The following SV2C variants were observed in gnomAD, a reference collection of about 807,000 sequenced individuals.
SV2C encodes the protein synaptic vesicle glycoprotein 2C.
A neutral mutation model predicts 79.7 loss-of-function variants in SV2C; 49 were observed. The observed-to-expected ratio is 0.61, with a 90% CI of 0.49 to 0.78. The LOEUF is 0.78. SV2C is among the 30% of genes least tolerant of loss of function. The pLI, the probability that SV2C is intolerant of heterozygous loss-of-function variation, is 0.00. For missense variants in SV2C, 833 were observed against 912.9 expected (o/e 0.91, Z 1.13); for synonymous variants, 334 against 333.2 (o/e 1.00, Z -0.03).
At chr5:76,240,215 AG>A (rs1745741400) in intron 4 of SV2C, among the ~76,000 whole-genome samples, 1 of 152,220 alleles carries the variant, frequency 6.6e-6, no homozygotes, top group South Asian at 2.1e-4. Context: ...GTGCCAGCCA[AG>A]GGAGACTGCA....
intron 2 of SV2C, among the ~76,000 whole-genome samples, chr5:76,137,062 C>A (rs1289841186): frequency 6.6e-6 from 1 of 152,174 alleles, no homozygotes; most frequent in African/African-American, 2.4e-5. Context: ...CTTGTGTGAC[C>A]ATTTGCAAGT....
chr5:76,329,557 CAGAAGGGAGAGTCCA>C lies in SV2C; in HGVS notation c.*4014_*4028del, dbSNP rs572320386. ...GGAGGTGGGAAAAGAAATGTAGTGA[CAGAAGGGAGAGTCCA>C]AGATACCACTGATAAGGTTCCAGCA... On this transcript the variant is annotated 3_prime_UTR_variant, in exon 13 of 13. Transcript: ENST00000502798. 1 of 152,256 alleles carries C rather than the reference CAGAAGGGAGAGTCCA, an allele frequency of 6.6e-6. No homozygotes were observed. The highest frequency in any genetic ancestry group is 1.9e-4 in the East Asian group (1 of 5,180). 9.4% of individuals were successfully genotyped at this position (152,256 alleles called of 1,614,324 possible).
chr5:75,939,912 G>GT, the SV2C span, among the ~76,000 whole-genome samples: 2 of 152,116 alleles, frequency 1.3e-5, no homozygotes, highest in Non-Finnish European at 2.9e-5. Context: ...GTCTGGCTCA[G>GT]TTGCATCCTT....
chr5:75,937,683 T>A, the SV2C span, among the ~76,000 whole-genome samples: 2 of 152,072 alleles, frequency 1.3e-5, no homozygotes, highest in Non-Finnish European at 2.9e-5. Flanking sequence ...CACTCCAGCC[T>A]GTGCAACACA....
At chr5:75,911,291 C>A in the SV2C span, 4 of 1,429,750 alleles carry the variant, frequency 2.8e-6, no homozygotes, top group Non-Finnish European at 2.0e-6. Context: ...CCAGGCAGAA[C>A]CCTGAGCCCT....
Position 76,285,193 on chromosome 5 carries a change from G to C in SV2C, c.945G>C (p.Gln315His). ...GWSFSMGSAY[Q>H]FHSWRVFVIV... Reference sequence around the variant, plus strand: ...GCTTCAGCATGGGATCGGCCTACCAGTTTCACAGTTGGCGTGTGTTTGTCA... The same window carrying C: ...GCTTCAGCATGGGATCGGCCTACCACTTTCACAGTTGGCGTGTGTTTGTCA... Residue 315 changes from glutamine to histidine, a missense_variant, in exon 5 of 13, where the codon CAG (glutamine) becomes CAC (histidine). Gln to His is a conservative substitution (Grantham distance 24). Transcript: ENST00000502798. 2 of 1,614,220 alleles carry C rather than the reference G, an allele frequency of 1.2e-6. No individual in the cohort carries two copies. Among genetic ancestry groups the C allele is most frequent in the Non-Finnish European group, 1.7e-6 (2 of 1,180,032 alleles).
the SV2C span, among the ~76,000 whole-genome samples, chr5:75,936,832 T>A: frequency 6.6e-6 from 1 of 152,242 alleles, no homozygotes; most frequent in Admixed American, 6.5e-5. Flanking sequence ...TGAGAGGAAC[T>A]GATTGCCAGT....
chr5:76,246,863 C>T (rs1210297093), intron 4 of SV2C, among the ~76,000 whole-genome samples: 2 of 152,120 alleles, frequency 1.3e-5, no homozygotes, highest in Non-Finnish European at 2.9e-5. Context: ...ACTAACGCCC[C>T]TTCTTGTGTC....
At chr5:75,931,007 G>A in the SV2C span, among the ~76,000 whole-genome samples, 2 of 152,138 alleles carry the variant, frequency 1.3e-5, no homozygotes, top group African/African-American at 4.8e-5. Flanking sequence ...GGTGGCACAT[G>A]CCTGTAATCC....
In SV2C at chr5:76,297,956, G is replaced by A. The variant is rs61071232; in HGVS notation, c.1503-838G>A. On this transcript the variant is annotated intron_variant, in intron 9 of 12. Coordinates refer to ENST00000502798, the MANE Select transcript of SV2C (RefSeq NM_014979.4). ...GTCTCTTAATAAAGTACCAGGACAC[G>A]TTAATGAATATTTATCTGTGTCTGC... 5.7e-3 allele frequency among the ~76,000 whole-genome samples: 870 copies of A among 152,176 alleles called. 10 individuals are homozygous for A. Among genetic ancestry groups the A allele is most frequent in the African/African-American group, 0.02 (816 of 41,550 alleles).
At chr5:76,124,104 A>C (rs1194655549) in intron 1 of SV2C, among the ~76,000 whole-genome samples, 3 of 152,178 alleles carry the variant, frequency 2.0e-5, no homozygotes, top group African/African-American at 7.2e-5. Flanking sequence ...TATTGTGATA[A>C]AATACACATC....
chr5:76,152,450 G>C (rs541180120), intron 2 of SV2C, among the ~76,000 whole-genome samples: 25 of 152,284 alleles, frequency 1.6e-4, no homozygotes, highest in Admixed American at 1.2e-3. Flanking sequence ...TGTATATATA[G>C]GAGATACGTT....
At chr5:76,120,455 A>G (rs9293669) in intron 1 of SV2C, among the ~76,000 whole-genome samples, 38,932 of 139,810 alleles carry the variant, frequency 0.28, 6,819 homozygotes, top group African/African-American at 0.49. Context: ...CCATGCTGGT[A>G]TGCTGCACCC....
At chr5:76,161,326 A>G (rs1742891686) in intron 2 of SV2C, among the ~76,000 whole-genome samples, 1 of 152,160 alleles carries the variant, frequency 6.6e-6, no homozygotes, top group South Asian at 2.1e-4. Flanking sequence ...AAGTAAAGCT[A>G]TTGAGACAGA....
At position 76,271,714 on chromosome 5, in the gene SV2C, G is replaced by T. The variant is rs183136722; in HGVS notation, c.914-13448G>T. On this transcript the variant is annotated intron_variant, in intron 4 of 12. Coordinates refer to ENST00000502798, the MANE Select transcript of SV2C (RefSeq NM_014979.4). The stretch of plus-strand genomic sequence containing the variant: ...GAACTCCTGACCTCCTGATCTGCCC[G>T]CCTCAGCCTCCCAAAGTGCTGGGAT... Among the ~76,000 whole-genome samples, 1,318 of 142,902 alleles carry T rather than the reference G, an allele frequency of 9.2e-3. 21 individuals carry two copies. The highest frequency in any genetic ancestry group is 0.032 in the African/African-American group (1,255 of 38,676). 93.7% of individuals were successfully genotyped at this position (142,902 alleles called of 152,430 possible).
intron 2 of SV2C, among the ~76,000 whole-genome samples, chr5:76,164,999 G>GA (rs201590366): frequency 2.1e-5 from 3 of 140,784 alleles, no homozygotes; most frequent in Non-Finnish European, 4.8e-5. Context: ...ATCATGACAA[G>GA]AAAAAAAAGT....
chr5:76,042,384 A>G, the SV2C span, among the ~76,000 whole-genome samples: 2 of 152,182 alleles, frequency 1.3e-5, no homozygotes, highest in East Asian at 1.9e-4. Flanking sequence ...TAGATTTGCT[A>G]TAGGAATTAG....
chr5:76,175,415 GAT>G (rs149644454), intron 2 of SV2C, among the ~76,000 whole-genome samples: 1 of 151,950 alleles, frequency 6.6e-6, no homozygotes, highest in African/African-American at 2.4e-5. Flanking sequence ...AAAGTAGGGG[GAT>G]ATATATATAT....
chr5:75,967,197 T>C, the SV2C span, among the ~76,000 whole-genome samples: 2 of 151,874 alleles, frequency 1.3e-5, no homozygotes, highest in Non-Finnish European at 2.9e-5. Context: ...ATTAGCCAAG[T>C]ATGGGTGGAG....
Sources: gnomAD v4.1 joint callset for allele counts (sites outside exome capture counted in the v4.1 genomes callset) on GRCh38, gnomAD v4.1.1 for gene constraint, MANE v1.5 for transcripts, NCBI Gene and HGNC (gene_info 2026-07-23, HGNC 2026-07-21) for gene names.